Variants in RERG observed in about 807,000 individuals in gnomAD.
RERG encodes the protein RAS like estrogen regulated growth inhibitor.
A neutral mutation model predicts 23.2 loss-of-function variants in RERG; 25 were observed. That is an observed-to-expected ratio of 1.08 (90% CI 0.79 to 1.50). The LOEUF (loss-of-function observed/expected upper bound fraction) is 1.50. Ranked by LOEUF, RERG falls within the 40% of genes most tolerant of loss-of-function variation. RERG has a pLI of 0.00. For synonymous variants in RERG, 81 were observed against 89.1 expected, an observed-to-expected ratio of 0.91 and a Z score of 0.51; for missense variants, 253 against 250.1, an observed-to-expected ratio of 1.01 and a Z score of -0.08.
chr12:15,177,700 A>C (rs921151682), intron 2 of RERG, among the ~76,000 whole-genome samples: 2 of 152,174 alleles, frequency 1.3e-5, no homozygotes, highest in African/African-American at 4.8e-5. Flanking sequence ...TCTATCTTAC[A>C]AACATTTAGG....
At chr12:15,133,708 C>A (rs1485906759) in intron 2 of RERG, among the ~76,000 whole-genome samples, 1 of 148,740 alleles carries the variant, frequency 6.7e-6, no homozygotes, top group Non-Finnish European at 1.5e-5. Flanking sequence ...TTGATCCCCA[C>A]CAGCAATGAC....
At chr12:15,199,878 T>TTTTA (rs976865883) in intron 2 of RERG, among the ~76,000 whole-genome samples, 1 of 152,136 alleles carries the variant, frequency 6.6e-6, no homozygotes, top group Admixed American at 6.6e-5. Context: ...AATTCCTTTC[T>TTTTA]TTTAGTACGT....
At chr12:15,190,218 G>T (rs1481936407) in intron 2 of RERG, among the ~76,000 whole-genome samples, 1 of 152,092 alleles carries the variant, frequency 6.6e-6, no homozygotes, top group African/African-American at 2.4e-5. Context: ...GGTTCCAGGG[G>T]TGTCCAATCT....
At chr12:15,173,157 G>T (rs994679311) in intron 2 of RERG, among the ~76,000 whole-genome samples, 1 of 152,010 alleles carries the variant, frequency 6.6e-6, no homozygotes, top group African/African-American at 2.4e-5. Context: ...TTTGCAGATA[G>T]TGTGAGGTAC....
chr12:15,164,029 AAG>A (rs1361801448), intron 2 of RERG, among the ~76,000 whole-genome samples: 3 of 152,124 alleles, frequency 2.0e-5, no homozygotes, highest in Admixed American at 6.5e-5. Context: ...TGAAGAGGAG[AAG>A]AGAGACAAGG....
At chr12:15,168,546 TCTC>T (rs1255156777) in intron 2 of RERG, among the ~76,000 whole-genome samples, 1 of 152,202 alleles carries the variant, frequency 6.6e-6, no homozygotes, top group Non-Finnish European at 1.5e-5. Flanking sequence ...AGAGTCAAGA[TCTC>T]CTTCTTCCTG....
chr12:15,187,860 A>T (rs7316687), intron 2 of RERG, among the ~76,000 whole-genome samples: 2 of 152,106 alleles, frequency 1.3e-5, no homozygotes, highest in African/African-American at 4.8e-5. Flanking sequence ...TGCCTGGCTG[A>T]GAACTTTTTC....
chr12:15,202,169 T>A (rs1246956198), intron 2 of RERG, among the ~76,000 whole-genome samples: 1 of 151,820 alleles, frequency 6.6e-6, no homozygotes, highest in Non-Finnish European at 1.5e-5. Context: ...ATTTGATGTG[T>A]TTGGACATAT....
chr12:15,123,081 G>C (rs939027081), intron 2 of RERG, among the ~76,000 whole-genome samples: 6 of 152,110 alleles, frequency 3.9e-5, no homozygotes, highest in Non-Finnish European at 8.8e-5. Flanking sequence ...ACAGGCGTGA[G>C]CCACCGCGCC....
chr12:15,205,591 C>T (rs1428507252), intron 2 of RERG, among the ~76,000 whole-genome samples: 2 of 152,004 alleles, frequency 1.3e-5, no homozygotes, highest in African/African-American at 2.4e-5. Flanking sequence ...GAAGCTGGCT[C>T]AGTTGTTAGA....
At chr12:15,180,766 G>C (rs1407320589) in intron 2 of RERG, among the ~76,000 whole-genome samples, 1 of 152,150 alleles carries the variant, frequency 6.6e-6, no homozygotes, top group Non-Finnish European at 1.5e-5. Flanking sequence ...CCACTCACAG[G>C]CTAAAAGCCT....
chr12:15,210,650 G>C (rs1865353998), intron 2 of RERG, among the ~76,000 whole-genome samples: 1 of 151,988 alleles, frequency 6.6e-6, no homozygotes, highest in African/African-American at 2.4e-5. Context: ...GGGCATACAA[G>C]AAAGGTCAGT....
intron 2 of RERG, among the ~76,000 whole-genome samples, chr12:15,169,681 G>A (rs75016047): frequency 6.6e-6 from 1 of 152,108 alleles, no homozygotes. Context: ...ATATCTTATT[G>A]GTTCTGTTTC....
chr12:15,132,300 G>A (rs555159905), intron 2 of RERG, among the ~76,000 whole-genome samples: 2 of 152,288 alleles, frequency 1.3e-5, no homozygotes, highest in East Asian at 3.9e-4. Flanking sequence ...TATACAGTAT[G>A]TGACCTATTT....
chr12:15,136,003 C>T (rs973042008), intron 2 of RERG, among the ~76,000 whole-genome samples: 2 of 152,026 alleles, frequency 1.3e-5, no homozygotes, highest in Admixed American at 6.6e-5. Flanking sequence ...TGATAGAACT[C>T]ACTAGTGAAC....
chr12:15,199,676 G>GACAC (rs143405412), intron 2 of RERG, among the ~76,000 whole-genome samples: 27 of 151,732 alleles, frequency 1.8e-4, no homozygotes, highest in African/African-American at 6.3e-4. Context: ...TATAGATACA[G>GACAC]ACACACACAC....
intron 2 of RERG, among the ~76,000 whole-genome samples, chr12:15,139,826 C>T (rs1463561842): frequency 6.6e-6 from 1 of 152,166 alleles, no homozygotes; most frequent in East Asian, 1.9e-4. Flanking sequence ...TCTGATTACA[C>T]TAGTTAGGTC....
intron 3 of RERG, among the ~76,000 whole-genome samples, chr12:15,117,672 C>CACGT (rs1555119503): frequency 4.8e-5 from 2 of 41,560 alleles, no homozygotes; most frequent in African/African-American, 8.9e-5. Context: ...CCATCACACA[C>CACGT]GCGCACACAC....
chr12:15,213,545 A>G (rs1180217063), intron 2 of RERG, among the ~76,000 whole-genome samples: 1 of 152,348 alleles, frequency 6.6e-6, no homozygotes, highest in East Asian at 1.9e-4. Context: ...AGCTCACTTG[A>G]AGACAGAACT....
Sources: gnomAD v4.1 joint callset for allele counts (sites outside exome capture counted in the v4.1 genomes callset) on GRCh38, gnomAD v4.1.1 for gene constraint, MANE v1.5 for transcripts, NCBI Gene and HGNC (gene_info 2026-07-23, HGNC 2026-07-21) for gene names.